The following RGS20 variants were observed in gnomAD, a reference collection of about 807,000 sequenced individuals.
RGS20 encodes regulator of G protein signaling 20.
RGS20 carries 30 observed loss-of-function variants against 33.6 expected under a neutral mutation model. That is an observed-to-expected ratio of 0.89 (90% CI 0.67 to 1.21). RGS20 has a LOEUF of 1.21. RGS20 is among the 50% of genes most tolerant of loss of function. The pLI, the probability that RGS20 is intolerant of heterozygous loss-of-function variation, is 0.00. For missense variants in RGS20, 472 were observed against 502.4 expected, an observed-to-expected ratio of 0.94 and a Z score of 0.58; for synonymous variants, 208 against 197.9, an observed-to-expected ratio of 1.05 and a Z score of -0.43.
intron 2 of RGS20, among the ~76,000 whole-genome samples, chr8:53,926,385 C>A (rs899838499): frequency 6.6e-6 from 1 of 152,104 alleles, no homozygotes; most frequent in South Asian, 2.1e-4. Context: ...TTTTTGGATT[C>A]TTGGTTCTCC....
At chr8:53,954,347 G>A (rs1814798247) in intron 5 of RGS20, 37 bp downstream of exon 4, 1 of 1,399,440 alleles carries the variant, frequency 7.1e-7, no homozygotes, top group African/African-American at 1.4e-5. Flanking sequence ...CAAGGCTGTT[G>A]GTAAAATTAA....
intron 2 of RGS20, among the ~76,000 whole-genome samples, chr8:53,903,262 A>AG (rs1372474604): frequency 2.0e-4 from 30 of 152,210 alleles, no homozygotes; most frequent in Non-Finnish European, 3.5e-4. Context: ...ACACTGTTCT[A>AG]CCATCAGTAA....
At chr8:53,932,240 T>C (rs1813993206) in intron 2 of RGS20, among the ~76,000 whole-genome samples, 1 of 152,066 alleles carries the variant, frequency 6.6e-6, no homozygotes, top group African/African-American at 2.4e-5. Flanking sequence ...AGAAGTGTTT[T>C]TCATACCCCA....
chr8:53,880,716 G>C (rs1812338467), intron 2 of RGS20, among the ~76,000 whole-genome samples, 156 bp from the exon 1 acceptor site: 1 of 152,018 alleles, frequency 6.6e-6, no homozygotes, highest in African/African-American at 2.4e-5. Context: ...TGCGGGGCTG[G>C]AGCAGTGGGG....
At chr8:53,864,251 G>A (rs930241699) in intron 1 of RGS20, among the ~76,000 whole-genome samples, 1 of 150,026 alleles carries the variant, frequency 6.7e-6, no homozygotes, top group African/African-American at 2.4e-5. Context: ...CCAACATGGT[G>A]AAACCCCGTC....
At chr8:53,894,434 C>T (rs1405296055) in intron 2 of RGS20, among the ~76,000 whole-genome samples, 1 of 152,198 alleles carries the variant, frequency 6.6e-6, no homozygotes, top group East Asian at 1.9e-4. Flanking sequence ...CAAAAACATT[C>T]TGTCAGCTTA....
chr8:53,941,321 C>T (rs879428238), intron 3 of RGS20, among the ~76,000 whole-genome samples: 12 of 152,122 alleles, frequency 7.9e-5, no homozygotes, highest in Non-Finnish European at 1.2e-4. Flanking sequence ...CTGAAAACTC[C>T]GTCAAACCAT....
At chr8:53,873,717 C>T (rs1812129165) in intron 1 of RGS20, among the ~76,000 whole-genome samples, 1 of 152,120 alleles carries the variant, frequency 6.6e-6, no homozygotes, top group South Asian at 2.1e-4. Flanking sequence ...TTGCTTAGTT[C>T]TTACAAATAA....
Position 53,890,971 on chromosome 8 carries a change from G to A in RGS20, c.510+11369G>A, listed in dbSNP as rs75343593. On this transcript the variant is annotated intron_variant, in intron 2 of 5. Transcript: ENST00000297313. ...TCTCCTTGGTCTCAAAAGAATGGAA[G>A]ACTCAGTCTTGCCTTCAGAGGTTTT... Among the ~76,000 whole-genome samples, 636 of 152,322 alleles carry A rather than the reference G, an allele frequency of 4.2e-3. 13 individuals carry two copies. The East Asian group carries it at 0.057, about 14-fold the overall frequency.
chr8:53,892,260 T>G (rs989834515), intron 2 of RGS20, among the ~76,000 whole-genome samples: 1 of 152,248 alleles, frequency 6.6e-6, no homozygotes, highest in Non-Finnish European at 1.5e-5. Flanking sequence ...ATGGTGTATA[T>G]GTGCCACATT....
chr8:53,916,961 G>T (rs902788654), intron 2 of RGS20, among the ~76,000 whole-genome samples: 2 of 152,008 alleles, frequency 1.3e-5, no homozygotes, highest in African/African-American at 2.4e-5. Flanking sequence ...TTTCATAAAG[G>T]CCCCATTCTC....
intron 4 of RGS20, among the ~76,000 whole-genome samples, 189 bp from the exon 4 acceptor site, chr8:53,953,887 A>G (rs1268244228): frequency 6.6e-6 from 1 of 152,226 alleles, no homozygotes; most frequent in East Asian, 1.9e-4. Context: ...AAAAAATTTG[A>G]AAGTATCATA....
At chr8:53,880,988 C>A in intron 2 of RGS20, 7 of 1,592,926 alleles carry the variant, frequency 4.4e-6, no homozygotes, top group Non-Finnish European at 6.0e-6. Context: ...CTCCGCGCTG[C>A]AATATTGAGA....
At chr8:53,905,446 A>G (rs995348493) in intron 2 of RGS20, among the ~76,000 whole-genome samples, 1 of 152,230 alleles carries the variant, frequency 6.6e-6, no homozygotes, top group African/African-American at 2.4e-5. Flanking sequence ...GCTCTTCATT[A>G]ATATTTCATG....
chr8:53,879,687 C>T lies in RGS20; in HGVS notation c.510+85C>T. On this transcript the variant is annotated intron_variant, in intron 2 of 5. Coordinates refer to ENST00000297313, the MANE Select transcript of RGS20 (RefSeq NM_170587.4). ...CCGATTCTTCCTAACCCCAACTGAC[C>T]CGCTCCGCTGGGGCTAGCAGTAGGG... The T allele has an allele frequency of 4.3e-6, 5 of 1,165,170 alleles. No homozygotes were observed. In the South Asian group the frequency reaches 8.8e-5, roughly 20 times the overall value. The allele number at this position is 1,165,170 out of a possible 1,614,324, so 72.2% of individuals were successfully genotyped here.
intron 2 of RGS20, among the ~76,000 whole-genome samples, chr8:53,888,423 G>C (rs1348304875): frequency 6.6e-6 from 1 of 152,154 alleles, no homozygotes; most frequent in Non-Finnish European, 1.5e-5. Flanking sequence ...CTTTATGTAA[G>C]TGTACCCCCA....
At chr8:53,862,352 T>G (rs1811828166) in intron 1 of RGS20, among the ~76,000 whole-genome samples, 1 of 152,218 alleles carries the variant, frequency 6.6e-6, no homozygotes, top group African/African-American at 2.4e-5. Flanking sequence ...TAGTGTAATT[T>G]GGACCATATA....
intron 2 of RGS20, among the ~76,000 whole-genome samples, chr8:53,913,057 C>T (rs755859252): frequency 2.0e-5 from 3 of 152,006 alleles, no homozygotes; most frequent in Admixed American, 6.6e-5. Flanking sequence ...ACTCCGACTC[C>T]TGGGTTCAAG....
chr8:53,937,617 T>A (rs574955318), intron 2 of RGS20, among the ~76,000 whole-genome samples: 84 of 151,844 alleles, frequency 5.5e-4, no homozygotes, highest in African/African-American at 1.9e-3. Flanking sequence ...TGGGAGAAAA[T>A]TTTTGCAACC....
Sources: gnomAD v4.1 joint callset for allele counts (sites outside exome capture counted in the v4.1 genomes callset) on GRCh38, gnomAD v4.1.1 for gene constraint, MANE v1.5 for transcripts, NCBI Gene and HGNC (gene_info 2026-07-23, HGNC 2026-07-21) for gene names.